The following CCDC102B variants were observed in gnomAD, a reference collection of about 807,000 sequenced individuals.
The protein encoded by CCDC102B is coiled-coil domain containing 102B.
In CCDC102B, 75 loss-of-function variants were observed where a neutral mutation model predicts 57.4. The observed-to-expected ratio is 1.31, with a 90% CI of 1.08 to 1.58. The LOEUF (loss-of-function observed/expected upper bound fraction) is 1.58. Ranked by LOEUF, CCDC102B falls within the 40% of genes most tolerant of loss-of-function variation. The pLI is 0.00. For synonymous variants in CCDC102B, 206 were observed against 201.9 expected (o/e 1.02, Z -0.17); for missense variants, 636 against 582.6 (o/e 1.09, Z -0.94).
intron 5 of CCDC102B, among the ~76,000 whole-genome samples, chr18:68,896,643 T>A (rs1160430252): frequency 6.6e-6 from 1 of 151,958 alleles, no homozygotes; most frequent in East Asian, 1.9e-4. Context: ...TATAATTTAA[T>A]GTTGAAAATG....
intron 3 of CCDC102B, among the ~76,000 whole-genome samples, chr18:68,841,363 T>C (rs1397812158): frequency 1.3e-5 from 2 of 152,202 alleles, no homozygotes; most frequent in Admixed American, 1.3e-4. Context: ...TTTATAGTTT[T>C]CTTTGCACTC....
chr18:68,770,198 T>C (rs1436305291), intron 2 of CCDC102B, among the ~76,000 whole-genome samples: 5 of 152,212 alleles, frequency 3.3e-5, no homozygotes, highest in Non-Finnish European at 7.3e-5. Context: ...AAGAAATCTC[T>C]TGTTAAAGAA....
chr18:68,808,775 G>A (rs1463140497), intron 1 of CCDC102B, among the ~76,000 whole-genome samples: 1 of 152,088 alleles, frequency 6.6e-6, no homozygotes, highest in Non-Finnish European at 1.5e-5. Context: ...ACAGCGCCCG[G>A]CTTACTACAC....
At position 68,918,186 on chromosome 18, in the gene CCDC102B, A is replaced by G. The variant is rs975154498; in HGVS notation, c.1263+20758A>G. The stretch of plus-strand genomic sequence containing the variant: ...TCAGAAGGTGTTAAACCTAAAACCT[A>G]CATATAAATCTCAACTTTATCAAGG... On this transcript the variant is annotated intron_variant, in intron 6 of 7. Coordinates refer to ENST00000360242, the MANE Select transcript of CCDC102B (RefSeq NM_024781.3). Among the ~76,000 whole-genome samples, 11 of 152,360 alleles carry G rather than the reference A, an allele frequency of 7.2e-5. 1 individual carries two copies. In the South Asian group the frequency reaches 1.9e-3, roughly 26 times the overall value.
intron 2 of CCDC102B, among the ~76,000 whole-genome samples, chr18:68,784,595 G>T (rs2035125431): frequency 1.3e-5 from 2 of 152,024 alleles, no homozygotes; most frequent in Non-Finnish European, 2.9e-5. Flanking sequence ...ATGCAATATT[G>T]TTTTTATTAA....
intron 2 of CCDC102B, among the ~76,000 whole-genome samples, chr18:68,784,456 A>G (rs764407746): frequency 6.6e-6 from 1 of 152,116 alleles, no homozygotes; most frequent in Non-Finnish European, 1.5e-5. Flanking sequence ...CCTCACCTCC[A>G]ACACTGGGGA....
chr18:68,953,861 G>A (rs532550193), intron 6 of CCDC102B, among the ~76,000 whole-genome samples: 52 of 152,072 alleles, frequency 3.4e-4, no homozygotes, highest in African/African-American at 1.2e-3. Context: ...GGGTTCATGG[G>A]TATTACTTTT....
chr18:68,968,465 T>C (rs62095039), intron 6 of CCDC102B, among the ~76,000 whole-genome samples: 42,144 of 152,096 alleles, frequency 0.28, 6,419 homozygotes, highest in Middle Eastern at 0.35. Context: ...CAAAATCCAT[T>C]TTAAGTCTAA....
At chr18:68,737,826 T>G (rs1599389002) in intron 2 of CCDC102B, among the ~76,000 whole-genome samples, 1 of 152,142 alleles carries the variant, frequency 6.6e-6, no homozygotes, top group African/African-American at 2.4e-5. Flanking sequence ...CAGTAATAAC[T>G]TTAAGTTTAG....
intron 6 of CCDC102B, among the ~76,000 whole-genome samples, chr18:68,988,568 A>AG (rs1650176785): frequency 4.0e-5 from 6 of 151,770 alleles, no homozygotes; most frequent in Admixed American, 3.3e-4. Flanking sequence ...AAAAAAAACA[A>AG]AAAAAAAGGA....
At chr18:68,822,747 A>C (rs1358229778) in intron 1 of CCDC102B, among the ~76,000 whole-genome samples, 1 of 152,092 alleles carries the variant, frequency 6.6e-6, no homozygotes, top group Non-Finnish European at 1.5e-5. Context: ...CTGTTCTTGC[A>C]TTCATTAGCT....
intron 2 of CCDC102B, among the ~76,000 whole-genome samples, chr18:68,723,062 A>G (rs1273846940): frequency 6.6e-6 from 1 of 152,126 alleles, no homozygotes; most frequent in African/African-American, 2.4e-5. Context: ...GGGAGGCCTC[A>G]GGAAACTTAC....
chr18:68,736,925 C>A (rs1208164079), intron 2 of CCDC102B, among the ~76,000 whole-genome samples: 1 of 151,778 alleles, frequency 6.6e-6, no homozygotes, highest in Non-Finnish European at 1.5e-5. Flanking sequence ...TGCAAACAAT[C>A]GTATCTCACT....
intron 7 of CCDC102B, among the ~76,000 whole-genome samples, chr18:69,025,259 C>T (rs1008200148): frequency 5.9e-5 from 9 of 152,100 alleles, no homozygotes; most frequent in African/African-American, 2.2e-4. Flanking sequence ...TATAATTAGA[C>T]AAGATCGTTG....
chr18:68,719,504 G>T (rs2145181839), intron 2 of CCDC102B, among the ~76,000 whole-genome samples: 1 of 152,282 alleles, frequency 6.6e-6, no homozygotes, highest in South Asian at 2.1e-4. Flanking sequence ...GCAAGGAAAA[G>T]ATGGATGTCT....
At chr18:68,974,458 G>T (rs1568362698) in intron 6 of CCDC102B, among the ~76,000 whole-genome samples, 1 of 151,934 alleles carries the variant, frequency 6.6e-6, no homozygotes. Context: ...AATGCACTAA[G>T]ATATTATTTT....
intron 2 of CCDC102B, among the ~76,000 whole-genome samples, chr18:68,755,292 G>C (rs1320461864): frequency 2.0e-5 from 3 of 152,106 alleles, no homozygotes; most frequent in African/African-American, 7.2e-5. Context: ...TTTGCATGAG[G>C]ATCTAATTCA....
intron 5 of CCDC102B, among the ~76,000 whole-genome samples, chr18:68,885,158 G>A (rs2039838415): frequency 6.6e-6 from 1 of 151,870 alleles, no homozygotes; most frequent in African/African-American, 2.4e-5. Flanking sequence ...CTTAGGACAT[G>A]GATACATGAT....
At chr18:68,820,944 G>A (rs1327901060) in intron 1 of CCDC102B, among the ~76,000 whole-genome samples, 1 of 152,168 alleles carries the variant, frequency 6.6e-6, no homozygotes, top group Non-Finnish European at 1.5e-5. Context: ...CCTATGACAT[G>A]ATTATGAAGT....
Sources: allele counts gnomAD v4.1 joint callset (sites outside exome capture counted in the v4.1 genomes callset), GRCh38; gene constraint gnomAD v4.1.1; transcripts MANE v1.5; gene names NCBI Gene and HGNC (gene_info 2026-07-23, HGNC 2026-07-21).